CCDC88B: variants seen among roughly 807,000 people sequenced by gnomAD.
The protein encoded by CCDC88B is coiled-coil domain-containing protein 88B.
Under a neutral mutation model 183.7 loss-of-function variants are expected in CCDC88B, and 138 were observed. That is an observed-to-expected ratio of 0.75 (90% CI 0.65 to 0.87). CCDC88B has a LOEUF of 0.87. CCDC88B is among the 40% of genes least tolerant of loss of function. CCDC88B has a pLI of 0.00. For synonymous variants in CCDC88B, 835 were observed against 867.5 expected (o/e 0.96, Z 0.66); for missense variants, 1,822 against 1,965.6 (o/e 0.93, Z 1.38).
intron 21 of CCDC88B, 34 bp downstream of exon 21, chr11:64,353,274 GT>G: frequency 1.3e-6 from 2 of 1,572,520 alleles, no homozygotes; most frequent in South Asian, 2.3e-5. Flanking sequence ...GTATGGGCGT[GT>G]GGTGGGGCAG....
chr11:64,342,828 G>C, intron 10 of CCDC88B, 148 bp downstream of exon 10: 1 of 982,876 alleles, frequency 1.0e-6, no homozygotes, highest in Non-Finnish European at 1.4e-6. Flanking sequence ...ATTCAGGGAG[G>C]TGGCGTCTGG....
chr11:64,356,990 TGGGAGTCC>T, intron 26 of CCDC88B, 41 bp from the exon 27 acceptor site: 1 of 1,520,018 alleles, frequency 6.6e-7, no homozygotes, highest in Non-Finnish European at 8.8e-7. Flanking sequence ...CCTGGGACTC[TGGGAGTCC>T]TCCTGAGGGA....
intron 10 of CCDC88B, 152 bp downstream of exon 10, chr11:64,342,832 C>CG (rs2035934336): frequency 1.2e-6 from 1 of 835,984 alleles, no homozygotes; most frequent in Non-Finnish European, 1.7e-6. Flanking sequence ...AGGGAGGTGG[C>CG]GTCTGGGAAA....
chr11:64,355,692 C>A, intron 26 of CCDC88B, 64 bp downstream of exon 26: 1 of 1,399,390 alleles, frequency 7.1e-7, no homozygotes, highest in Non-Finnish European at 9.7e-7. Flanking sequence ...GGCAGAACCT[C>A]ATTCATCCAT....
chr11:64,356,058 C>T (rs1321300763), intron 26 of CCDC88B: 1 of 148,230 alleles, frequency 6.7e-6, no homozygotes. Context: ...CTCTTTGGCT[C>T]ACTGCAACCT....
In CCDC88B at chr11:64,349,697, G is replaced by A. The variant is rs1014757276; in HGVS notation, c.2862+29G>A. ...ATGCCTGCCCGCCTGGGAGCTGGGG[G>A]CCATGCCACCCTGCCCTCCATCCCA... is the stretch of plus-strand genomic sequence containing the variant. On this transcript the variant is annotated intron_variant, in intron 16 of 26. Coordinates refer to ENST00000356786, the MANE Select transcript of CCDC88B (RefSeq NM_032251.6). The A allele has an allele frequency of 1.3e-5, 20 of 1,556,064 alleles. No individual in the cohort carries two copies. In the Admixed American group the frequency reaches 2.1e-4, roughly 16 times the overall value.
chr11:64,341,707 T>G lies in CCDC88B; in HGVS notation c.640T>G (p.Ser214Ala). The G allele has an allele frequency of 6.3e-7, 1 of 1,595,948 alleles. No individual in the cohort carries two copies. The highest frequency in any genetic ancestry group is 8.5e-7 in the Non-Finnish European group (1 of 1,172,940). The change falls in exon 7 of 27, where the codon TCG becomes GCG. Residue 214 changes from serine to alanine, a missense_variant. Ser to Ala is a moderately conservative substitution (Grantham distance 99, BLOSUM62 1). Transcript: ENST00000356786. The part of the protein sequence containing the change: ...MLSRSLMGTL[S>A]KLARERDLGA... Reference sequence around the variant, plus strand: ...GTCCCGGAGCCTGATGGGGACACTGTCGAAGCTGGCACGGGAGCGTGACCT... The same window carrying G: ...GTCCCGGAGCCTGATGGGGACACTGGCGAAGCTGGCACGGGAGCGTGACCT...
In CCDC88B at chr11:64,354,059, G is replaced by T. The variant is rs1487233460; in HGVS notation, c.3988G>T (p.Gly1330Trp). 6.9e-7 allele frequency: 1 copy of T among 1,451,344 alleles called. No homozygotes were observed. The highest frequency in any genetic ancestry group is 1.6e-5 in the South Asian group (1 of 61,592). 89.9% of individuals were successfully genotyped at this position (1,451,344 alleles called of 1,614,324 possible). ...GAGGCTGATGCGGCCCCGGCGGGAG[G>T]GGGGCCCCCCTGGGGGGCTGCGCCT... ...VKRLMRPRRE[G>W]GPPGGLRLGA... Residue 1330 changes from glycine (G) to tryptophan (W), a missense_variant, in exon 24 of 27, where the codon GGG becomes TGG. Gly to Trp is a radical substitution (Grantham distance 184). Coordinates refer to ENST00000356786, the MANE Select transcript of CCDC88B (RefSeq NM_032251.6).
rs765786378 is a variant in CCDC88B, at chr11:64,349,391, C to T, written c.2677C>T (p.Arg893Cys). 56 of 1,613,008 alleles carry T rather than the reference C, an allele frequency of 3.5e-5. 1 individual carries two copies. In the East Asian group the frequency reaches 5.6e-4, roughly 16 times the overall value. ...GGGGGACCGGCTGGAGCATTTGCAG[C>T]GTGAGCTGGAGCAGGCGGCTCTCGA... ...ELGDRLEHLQ[R>C]ELEQAALERQ... The change falls in exon 15 of 27, where the codon CGT (arginine) becomes TGT (cysteine). Residue 893 changes from arginine to cysteine, a missense_variant. Arg to Cys is a radical substitution (Grantham distance 180). Coordinates refer to ENST00000356786, the MANE Select transcript of CCDC88B (RefSeq NM_032251.6).
rs746963494 is a variant in CCDC88B at position 64,343,270 on chromosome 11, A to T, written c.1154A>T (p.His385Leu). 1 of 1,549,610 alleles carries T rather than the reference A, an allele frequency of 6.5e-7. No individual in the cohort carries two copies. Among genetic ancestry groups the T allele is most frequent in the South Asian group, 1.2e-5 (1 of 84,032 alleles). ...EAARERCARLHETQRENLLLR... is the reference protein window; with the variant it reads ...EAARERCARLLETQRENLLLR... ...GCCCGAGAGCGCTGCGCCCGGCTGC[A>T]CGAGACCCAGCGCGAGAACCTGCTG... The change falls in exon 11 of 27, where the codon CAC (histidine) becomes CTC (leucine). Residue 385 changes from histidine (H) to leucine (L), a missense_variant. Physicochemically the swap from His to Leu is moderately conservative, Grantham distance 99 (BLOSUM62 -3). Transcript: ENST00000356786.
Position 64,344,265 on chromosome 11 carries a change from C to G in CCDC88B, c.1724C>G (p.Ser575Cys). ...ATGGACCCCCAGGCCTCAGACTGGT[C>G]CCCGCAAGAGTCAGGCTCTCCTGTG... The part of the protein sequence containing the change: ...AAMDPQASDW[S>C]PQESGSPVET... The change falls in exon 14 of 27, where the codon TCC becomes TGC. Residue 575 changes from serine (S) to cysteine (C), a missense_variant. Coordinates refer to ENST00000356786, the MANE Select transcript of CCDC88B (RefSeq NM_032251.6). The surrounding 1 kb of genome is among the most constrained non-coding windows in gnomAD (Gnocchi z 4.5). The G allele has an allele frequency of 1.2e-6, 2 of 1,613,744 alleles. No homozygotes were observed. Among genetic ancestry groups the G allele is most frequent in the Non-Finnish European group, 1.7e-6 (2 of 1,179,966 alleles).
intron 10 of CCDC88B, 49 bp downstream of exon 10, chr11:64,342,729 C>T: frequency 7.0e-7 from 1 of 1,437,942 alleles, no homozygotes; most frequent in African/African-American, 1.5e-5. Context: ...AGGGGGCGGG[C>T]CAGGAGGAGG....
chr11:64,340,332 G>A lies in CCDC88B; in HGVS notation c.60+6G>A. ...GTGGGAGTCTGGCTACCTGGGTGAG[G>A]GGGCAGGTGGCAGCGGGTTGGGGAG... On this transcript the variant is annotated splice_donor_region_variant and intron_variant, in intron 1 of 26. Coordinates refer to ENST00000356786, the MANE Select transcript of CCDC88B (RefSeq NM_032251.6). 3 of 1,293,860 alleles carry A rather than the reference G, an allele frequency of 2.3e-6. No individual in the cohort carries two copies. Among genetic ancestry groups the A allele is most frequent in the African/African-American group, 1.5e-5 (1 of 65,278 alleles). The allele number at this position is 1,293,860 out of a possible 1,614,324, so 80.1% of individuals were successfully genotyped here.
Position 64,353,403 on chromosome 11 carries a change from C to T in CCDC88B, c.3740C>T (p.Ala1247Val), listed in dbSNP as rs1317080808. 6.2e-7 allele frequency: 1 copy of T among 1,613,516 alleles called. No homozygotes were observed. The highest frequency in any genetic ancestry group is 8.5e-7 in the Non-Finnish European group (1 of 1,179,984). Reference sequence around the variant, plus strand: ...GAAGAGGAGAACCGGCAGCTGCTGGCTGAAGTTCAGGCCCTGAGCCGGGAG... The same window carrying T: ...GAAGAGGAGAACCGGCAGCTGCTGGTTGAAGTTCAGGCCCTGAGCCGGGAG... ...AQEEENRQLL[A>V]EVQALSRENR... is the part of the protein sequence containing the mutation. The change falls in exon 22 of 27, where the codon GCT becomes GTT. Residue 1247 changes from alanine (A) to valine (V), a missense_variant. By Grantham distance (64) the Ala-to-Val change is moderately conservative. Coordinates refer to ENST00000356786, the MANE Select transcript of CCDC88B (RefSeq NM_032251.6).
Position 64,342,686 on chromosome 11 carries a change from G to T in CCDC88B, c.1062+6G>T. On this transcript the variant is annotated splice_donor_region_variant and intron_variant, in intron 10 of 26. Coordinates refer to ENST00000356786, the MANE Select transcript of CCDC88B (RefSeq NM_032251.6). ...CCTACAAGAGTCAGCTGGAGGTGAG[G>T]CGGAGACGGAGCCGCGGGGCGGGGC... 1 of 1,475,910 alleles carries T rather than the reference G, an allele frequency of 6.8e-7. No individual in the cohort carries two copies. The highest frequency in any genetic ancestry group is 8.9e-7 in the Non-Finnish European group (1 of 1,120,094). The allele number at this position is 1,475,910 out of a possible 1,614,324, so 91.4% of individuals were successfully genotyped here.
chr11:64,345,678 C>T (rs2036079460), intron 14 of CCDC88B, among the ~76,000 whole-genome samples: 1 of 152,088 alleles, frequency 6.6e-6, no homozygotes, highest in Non-Finnish European at 1.5e-5. Context: ...ACATTTTGTC[C>T]AGAGGGAATG....
At chr11:64,351,383 G>C (rs941095646) in intron 17 of CCDC88B, 93 bp from the exon 18 acceptor site, 7 of 1,530,998 alleles carry the variant, frequency 4.6e-6, no homozygotes, top group East Asian at 2.4e-5. Flanking sequence ...GCCCGGGGGT[G>C]GGGGTGCCCC....
Position 64,341,283 on chromosome 11 carries a change from G to A in CCDC88B, c.402G>A (p.Glu134=), listed in dbSNP as rs779212070. The A allele has an allele frequency of 6.2e-7, 1 of 1,614,152 alleles. No individual in the cohort carries two copies. Among genetic ancestry groups the A allele is most frequent in the Non-Finnish European group, 8.5e-7 (1 of 1,180,022 alleles). ...GFDPLSEEAV[E]QLEGVLRLLL... ...TGTGCCTTGCAGAAGAAGCGGTGGA[G>A]CAGCTGGAAGGCGTTCTTCGGCTAC... Residue 134 remains glutamate (E), a synonymous_variant, in exon 5 of 27, where the codon GAG becomes GAA. Coordinates refer to ENST00000356786, the MANE Select transcript of CCDC88B (RefSeq NM_032251.6).
chr11:64,342,559 T>A lies in CCDC88B; in HGVS notation c.941T>A (p.Leu314Gln). Residue 314 changes from leucine (L) to glutamine (Q), a missense_variant, in exon 10 of 27, where the codon CTG becomes CAG. Coordinates refer to ENST00000356786, the MANE Select transcript of CCDC88B (RefSeq NM_032251.6). ...ALSGQAKRAELYREEAEALRE... is the reference protein window; with the variant it reads ...ALSGQAKRAEQYREEAEALRE... ...TCGGGACAGGCCAAGCGGGCCGAGC[T>A]GTACCGCGAGGAGGCAGAGGCGCTG... 6.5e-7 allele frequency: 1 copy of A among 1,531,686 alleles called. No homozygotes were observed. The highest frequency in any genetic ancestry group is 8.7e-7 in the Non-Finnish European group (1 of 1,145,354). The allele number at this position is 1,531,686 out of a possible 1,614,324, so 94.9% of individuals were successfully genotyped here. A position where few individuals can be genotyped will look rare whatever the true frequency, so the allele number is the denominator to read the frequency against.
Sources: gnomAD v4.1 joint callset for allele counts (sites outside exome capture counted in the v4.1 genomes callset) on GRCh38, gnomAD v4.1.1 for gene constraint, Gnocchi (gnomAD v3.1) non-coding constraint, MANE v1.5 for transcripts, NCBI Gene and HGNC (gene_info 2026-07-23, HGNC 2026-07-21) for gene names.